Variants in GPR35 observed in about 807,000 individuals in gnomAD.
The protein encoded by GPR35 is KYNA receptor.
For missense variants in GPR35, 372 were observed against 422.5 expected (o/e 0.88, Z 1.05); for synonymous variants, 207 against 198.4 (o/e 1.04, Z -0.36).
At chr2:240,625,337 C>T (rs369466147), upstream of GPR35, 24 of 985,392 alleles carry the variant, frequency 2.4e-5, 1 homozygote, top group African/African-American at 3.3e-4. Flanking sequence ...AAATCCCCCA[C>T]GCCCTCTAGC....
chr2:240,619,925 C>T (rs1024877288), intron 5 of GPR35, among the ~76,000 whole-genome samples: 4 of 152,124 alleles, frequency 2.6e-5, no homozygotes, highest in Non-Finnish European at 5.9e-5. Context: ...AGCGGGGGCC[C>T]GATGGCTCTC....
At position 240,625,579 on chromosome 2, in the gene GPR35, C is replaced by G. The variant is rs2043358899; in HGVS notation, c.-5+11C>G. The G allele has an allele frequency of 2.1e-5, 21 of 985,428 alleles. No individual in the cohort carries two copies. Among genetic ancestry groups the G allele is most frequent in the South Asian group, 9.3e-5 (2 of 21,532 alleles). The allele number at this position is 985,428 out of a possible 1,614,324, so 61.0% of individuals were successfully genotyped here. Reference sequence around the variant, plus strand: ...CAAAGCTGCCTGCAGGTCAGTGCCGCCCACTGCCCTAGGGGCCTCCCAGCG... The same window carrying G: ...CAAAGCTGCCTGCAGGTCAGTGCCGGCCACTGCCCTAGGGGCCTCCCAGCG... On this transcript the variant is annotated intron_variant, in intron 1 of 1. Transcript: ENST00000407714.
intron 1 of GPR35, chr2:240,627,655 T>TTG (rs2043393710): frequency 8.3e-6 from 1 of 120,180 alleles, no homozygotes; most frequent in African/African-American, 3.2e-5. Flanking sequence ...TTTTTTTTTT[T>TTG]GTAGAGACGG....
At chr2:240,624,238 C>A (rs1265699180), upstream of GPR35, among the ~76,000 whole-genome samples, 1 of 65,146 alleles carries the variant, frequency 1.5e-5, no homozygotes, top group African/African-American at 3.5e-5. Context: ...GATGAAATCC[C>A]AAATCTGAGC....
rs1225636282 is a variant in GPR35 at position 240,631,732 on chromosome 2, C to T, written c.*850C>T. ...CGATGTCCTGCTGGTTTCTGCCTCT[C>T]CTGTACTCCTGCATGGAGGGCATCT... On this transcript the variant is annotated 3_prime_UTR_variant, in exon 2 of 2. Transcript: ENST00000407714. 6.6e-6 allele frequency among the ~76,000 whole-genome samples: 1 copy of T among 152,202 alleles called. No individual in the cohort carries two copies. Among genetic ancestry groups the T allele is most frequent in the African/African-American group, 2.4e-5 (1 of 41,450 alleles).
chr2:240,606,104 G>A lies in GPR35; in HGVS notation c.-802-283G>A, dbSNP rs568670293. The stretch of plus-strand genomic sequence containing the variant: ...GCCATTCCTCTCTAGTCCCCAGCAG[G>A]TATAGCCAGTGTCCACATAGACAGC... On this transcript the variant is annotated intron_variant, in intron 1 of 5. Coordinates refer to the GPR35 transcript ENST00000319838. Among the ~76,000 whole-genome samples, 5 of 152,316 alleles carry A rather than the reference G, an allele frequency of 3.3e-5. No homozygotes were observed. The South Asian group carries it at 1.0e-3, about 32-fold the overall frequency.
Position 240,616,379 on chromosome 2 carries a change from C to A in GPR35, c.-576-9C>A, listed in dbSNP as rs765737750. 6 of 765,184 alleles carry A rather than the reference C, an allele frequency of 7.8e-6. No individual in the cohort carries two copies. In the Admixed American group the frequency reaches 1.1e-4, roughly 14 times the overall value. 47.4% of individuals were successfully genotyped at this position (765,184 alleles called of 1,614,324 possible). A position where few individuals can be genotyped will look rare whatever the true frequency, so the allele number is the denominator to read the frequency against. ...AGCTTCCTCCTCCGTCTCTCTATTC[C>A]CCTCCTAGGTCTCTTGCCCTGTGCA... On this transcript the variant is annotated splice_polypyrimidine_tract_variant and intron_variant, in intron 2 of 5. Coordinates refer to the GPR35 transcript ENST00000319838.
intron 4 of GPR35, chr2:240,618,854 G>A (rs1229715817): frequency 3.2e-6 from 2 of 623,660 alleles, no homozygotes; most frequent in African/African-American, 1.8e-5. Flanking sequence ...CCATATGACA[G>A]TGTGTAGAAA....
At position 240,632,560 on chromosome 2, in the gene GPR35, C is replaced by G. The variant is rs2043461645; in HGVS notation, c.*1678C>G. ...GGTCCATGCTGAGGTGGGTCCATGC[C>G]CAGGAGGGTTCATGTCCAGAAAGGT... On this transcript the variant is annotated 3_prime_UTR_variant, in exon 2 of 2. Transcript: ENST00000407714. Among the ~76,000 whole-genome samples the G allele has an allele frequency of 6.6e-6, 1 of 150,588 alleles. No individual in the cohort carries two copies. Among genetic ancestry groups the G allele is most frequent in the Admixed American group, 6.6e-5 (1 of 15,146 alleles).
intron 2 of GPR35, among the ~76,000 whole-genome samples, chr2:240,613,908 A>G (rs2125477010): frequency 6.7e-6 from 1 of 149,658 alleles, no homozygotes; most frequent in South Asian, 2.1e-4. Flanking sequence ...CCATAACACT[A>G]ACTCCAACAA....
chr2:240,630,055 C>A lies in GPR35; in HGVS notation c.103C>A (p.Leu35Met). Reference sequence around the variant, plus strand: ...CTTGGGCGTCCTGCTGGTGCTAGGCCTGCTGCTCAACAGCCTGGCGCTCTG... The same window carrying A: ...CTTGGGCGTCCTGCTGGTGCTAGGCATGCTGCTCAACAGCCTGGCGCTCTG... ...AYLGVLLVLG[L>M]LLNSLALWVF... The change falls in exon 2 of 2, where the codon CTG becomes ATG. Residue 35 changes from leucine to methionine, a missense_variant. Leu to Met is a conservative substitution (Grantham distance 15). Transcript: ENST00000407714. 1 of 1,612,504 alleles carries A rather than the reference C, an allele frequency of 6.2e-7. No homozygotes were observed. Among genetic ancestry groups the A allele is most frequent in the Non-Finnish European group, 8.5e-7 (1 of 1,179,978 alleles).
intron 1 of GPR35, chr2:240,627,665 G>A (rs1373560954): frequency 1.5e-5 from 2 of 129,856 alleles, no homozygotes; most frequent in Admixed American, 1.6e-4. Context: ...TGTAGAGACG[G>A]GGTCTCCCTG....
upstream of GPR35, among the ~76,000 whole-genome samples, chr2:240,624,010 G>GC (rs1322286779): frequency 3.8e-5 from 4 of 106,076 alleles, no homozygotes; most frequent in East Asian, 1.5e-3. Flanking sequence ...GCCTGGTGGT[G>GC]GGGGGGGTGG....
chr2:240,624,176 C>G (rs112172426), upstream of GPR35, among the ~76,000 whole-genome samples: 6 of 152,212 alleles, frequency 3.9e-5, no homozygotes, highest in East Asian at 1.2e-3. Context: ...GATCAGGTGC[C>G]GTGCCTTCTG....
chr2:240,619,640 C>T (rs950099786), intron 5 of GPR35, among the ~76,000 whole-genome samples: 2 of 152,256 alleles, frequency 1.3e-5, no homozygotes, highest in African/African-American at 4.8e-5. Flanking sequence ...ACTGCCCCTT[C>T]CTTGTCCAGC....
intron 2 of GPR35, among the ~76,000 whole-genome samples, chr2:240,614,915 T>C (rs1349259313): frequency 6.6e-6 from 1 of 152,154 alleles, no homozygotes; most frequent in Non-Finnish European, 1.5e-5. Flanking sequence ...TATGTGTGCA[T>C]ATATATGCAT....
intron 2 of GPR35, among the ~76,000 whole-genome samples, chr2:240,611,453 T>C (rs574833968): frequency 6.6e-6 from 1 of 152,378 alleles, no homozygotes; most frequent in East Asian, 1.9e-4. Flanking sequence ...ATTTCACTTA[T>C]CTCTTCTAGA....
chr2:240,619,455 G>A (rs550624964), intron 5 of GPR35, among the ~76,000 whole-genome samples: 2 of 152,338 alleles, frequency 1.3e-5, no homozygotes, highest in South Asian at 4.1e-4. Context: ...AAGAACGGGA[G>A]TGAGAACTCT....
chr2:240,626,016 T>C (rs1167915381), intron 1 of GPR35, among the ~76,000 whole-genome samples: 121 of 10,024 alleles, frequency 0.012, 1 homozygote, highest in African/African-American at 0.022. Flanking sequence ...GGTCTCAGAG[T>C]GGGGTGAGGC....
Sources: gnomAD v4.1 joint callset for allele counts (sites outside exome capture counted in the v4.1 genomes callset) on GRCh38, gnomAD v4.1.1 for gene constraint, MANE v1.5 for transcripts, NCBI Gene and HGNC (gene_info 2026-07-23, HGNC 2026-07-21) for gene names.